PKIB: variants seen among roughly 807,000 people sequenced by gnomAD.
PKIB encodes cAMP-dependent protein kinase inhibitor beta, also known as PKI-beta.
PKIB carries 2 observed loss-of-function variants against 4.5 expected under a neutral mutation model. The observed-to-expected ratio is 0.44, with a 90% CI of 0.18 to 1.39. The LOEUF (loss-of-function observed/expected upper bound fraction) is 1.39. PKIB is among the 40% of genes most tolerant of loss of function. PKIB has a pLI of 0.27. For synonymous variants in PKIB, 38 were observed against 36.0 expected (o/e 1.06, Z -0.20); for missense variants, 94 against 92.6 (o/e 1.02, Z -0.06).
chr6:122,603,206 T>C (rs1190666381), intron 3 of PKIB, among the ~76,000 whole-genome samples: 1 of 152,140 alleles, frequency 6.6e-6, no homozygotes. Flanking sequence ...TATCTATAGT[T>C]ATTGAGTAAT....
In PKIB at chr6:122,662,163, G is replaced by T. The variant is rs111942320; in HGVS notation, c.-75-12915G>T. Among the ~76,000 whole-genome samples, 562 of 151,670 alleles carry T rather than the reference G, an allele frequency of 3.7e-3. 2 individuals are homozygous for T. The highest frequency in any genetic ancestry group is 0.013 in the African/African-American group (522 of 41,384). On this transcript the variant is annotated intron_variant, in intron 2 of 4. Transcript: ENST00000368452. ...CTTTAGGTAGTCTTTCACTTTTGAT[G>T]GTGTCATTTGGTGCACAAAGGCTTT...
intron 3 of PKIB, among the ~76,000 whole-genome samples, chr6:122,711,412 T>C (rs958192483): frequency 3.3e-5 from 5 of 152,204 alleles, no homozygotes; most frequent in Non-Finnish European, 4.4e-5. Flanking sequence ...CTTAAGTGTC[T>C]GGATCTGGAA....
intron 2 of PKIB, among the ~76,000 whole-genome samples, chr6:122,559,949 C>G (rs547371062): frequency 2.2e-4 from 34 of 152,080 alleles, no homozygotes; most frequent in Middle Eastern, 3.4e-3. Context: ...TGGAGGAATC[C>G]TTAGGGTTTT....
At chr6:122,564,093 G>A (rs541869988) in intron 2 of PKIB, among the ~76,000 whole-genome samples, 4 of 152,238 alleles carry the variant, frequency 2.6e-5, no homozygotes, top group East Asian at 1.9e-4. Context: ...AACTTCTCCC[G>A]CAAACAGACC....
rs1164442556 is a variant in PKIB at position 122,522,599 on chromosome 6, T to G, written c.-248+44660T>G. 2.0e-5 allele frequency among the ~76,000 whole-genome samples: 3 copies of G among 152,296 alleles called. No homozygotes were observed. The East Asian group carries it at 5.8e-4, about 29-fold the overall frequency. ...CCTGGTCTGTGGGTTGCAAAGACAG[T>G]GGGAAAAGTGTAGTATCTGGGCTGG... On this transcript the variant is annotated intron_variant, in intron 2 of 6. Coordinates refer to the PKIB transcript ENST00000392491.
At chr6:122,567,680 A>G (rs902513849) in intron 2 of PKIB, among the ~76,000 whole-genome samples, 18 of 152,362 alleles carry the variant, frequency 1.2e-4, no homozygotes, top group Middle Eastern at 3.4e-3. Flanking sequence ...TTCATAAAAG[A>G]ACTCTTATAA....
At chr6:122,688,971 C>T (rs1445128475) in intron 3 of PKIB, among the ~76,000 whole-genome samples, 4 of 151,728 alleles carry the variant, frequency 2.6e-5, no homozygotes, top group Non-Finnish European at 4.4e-5. Context: ...TTAGTAGAGA[C>T]GGGGTTTCAC....
chr6:122,524,767 C>A (rs1013042957), intron 2 of PKIB, among the ~76,000 whole-genome samples: 2 of 151,756 alleles, frequency 1.3e-5, no homozygotes, highest in African/African-American at 4.8e-5. Flanking sequence ...TTGGTATGTA[C>A]TTGCTTATGT....
At chr6:122,612,436 C>T (rs1774799072) in intron 1 of PKIB, among the ~76,000 whole-genome samples, 1 of 152,106 alleles carries the variant, frequency 6.6e-6, no homozygotes, top group South Asian at 2.1e-4. Flanking sequence ...GGTAAGATTC[C>T]TTATGTCCAT....
chr6:122,542,840 C>T (rs1777649818), intron 2 of PKIB, among the ~76,000 whole-genome samples: 1 of 152,140 alleles, frequency 6.6e-6, no homozygotes, highest in East Asian at 1.9e-4. Flanking sequence ...GACAGGCAGG[C>T]CTCCTTGAGC....
chr6:122,602,630 G>T (rs1358539833), intron 3 of PKIB, among the ~76,000 whole-genome samples: 2 of 152,028 alleles, frequency 1.3e-5, no homozygotes, highest in African/African-American at 2.4e-5. Flanking sequence ...AATAGGGTAA[G>T]TTGGCCAGGC....
intron 2 of PKIB, among the ~76,000 whole-genome samples, chr6:122,553,190 A>G (rs1772732652): frequency 6.6e-6 from 1 of 152,040 alleles, no homozygotes; most frequent in African/African-American, 2.4e-5. Context: ...CCATCTCTCC[A>G]TTTATCCCCT....
chr6:122,563,367 G>A (rs2114677291), intron 2 of PKIB, among the ~76,000 whole-genome samples: 1 of 152,222 alleles, frequency 6.6e-6, no homozygotes, highest in African/African-American at 2.4e-5. Context: ...GGTGGAGGTG[G>A]CAGGGGGTGC....
chr6:122,699,694 C>A (rs1156837747), intron 3 of PKIB, among the ~76,000 whole-genome samples: 1 of 152,132 alleles, frequency 6.6e-6, no homozygotes, highest in Non-Finnish European at 1.5e-5. Context: ...GGGGTGGAGG[C>A]AGAAGAGTCG....
chr6:122,686,186 G>A (rs1778084964), intron 3 of PKIB, among the ~76,000 whole-genome samples: 1 of 152,270 alleles, frequency 6.6e-6, no homozygotes, highest in African/African-American at 2.4e-5. Flanking sequence ...AGGATTGCTA[G>A]ATCATATGGT....
upstream of PKIB, among the ~76,000 whole-genome samples, chr6:122,607,187 A>G (rs1457939125): frequency 2.6e-5 from 4 of 152,060 alleles, no homozygotes; most frequent in African/African-American, 7.2e-5. Flanking sequence ...TTAAAAGTAG[A>G]TCCTGAGCAA....
chr6:122,472,559 T>G (rs1327131282), intron 1 of PKIB, among the ~76,000 whole-genome samples: 3 of 152,200 alleles, frequency 2.0e-5, no homozygotes, highest in Non-Finnish European at 4.4e-5. Flanking sequence ...CCAGTTATTT[T>G]TTTAGAGTTA....
chr6:122,637,218 CAG>C (rs1278372469), intron 2 of PKIB, among the ~76,000 whole-genome samples: 2 of 152,044 alleles, frequency 1.3e-5, no homozygotes, highest in Admixed American at 6.6e-5. Flanking sequence ...ACATATAAAA[CAG>C]AGAAGAGACT....
At chr6:122,607,620 T>C (rs1012923793), upstream of PKIB, among the ~76,000 whole-genome samples, 3 of 152,220 alleles carry the variant, frequency 2.0e-5, no homozygotes, top group Non-Finnish European at 4.4e-5. Flanking sequence ...TGGAGAATCC[T>C]CATTTAATAT....
Sources: allele counts gnomAD v4.1 joint callset (sites outside exome capture counted in the v4.1 genomes callset), GRCh38; gene constraint gnomAD v4.1.1; transcripts MANE v1.5; gene names NCBI Gene and HGNC (gene_info 2026-07-23, HGNC 2026-07-21).